The following SOX30 variants were observed in gnomAD, a reference collection of about 807,000 sequenced individuals.
The protein encoded by SOX30 is transcription factor SOX-30.
In SOX30, 17 loss-of-function variants were observed where a neutral mutation model predicts 58.6. The ratio of observed to expected loss-of-function variants is 0.29; its 90% CI spans 0.20 to 0.44. SOX30 has a LOEUF of 0.44. SOX30 is among the 20% of genes least tolerant of loss of function. The pLI is 1.00. For missense variants in SOX30, 951 were observed against 965.8 expected, an observed-to-expected ratio of 0.98 and a Z score of 0.20; for synonymous variants, 421 against 400.2, an observed-to-expected ratio of 1.05 and a Z score of -0.62.
At chr5:157,634,460 T>C (rs1458496199) in intron 4 of SOX30, among the ~76,000 whole-genome samples, 1 of 122,026 alleles carries the variant, frequency 8.2e-6, no homozygotes, top group Non-Finnish European at 1.6e-5. Flanking sequence ...CAACAGATTC[T>C]CTCTCCTTGG....
chr5:157,654,237 AC>A (rs1316641574), upstream of SOX30, among the ~76,000 whole-genome samples: 1 of 152,170 alleles, frequency 6.6e-6, no homozygotes, highest in African/African-American at 2.4e-5. Context: ...ATCAATATTT[AC>A]CATGTTGTAA....
At chr5:157,643,701 C>A (rs1392595300) in intron 3 of SOX30, among the ~76,000 whole-genome samples, 1 of 152,036 alleles carries the variant, frequency 6.6e-6, no homozygotes, top group African/African-American at 2.4e-5. Context: ...AAATCATATA[C>A]CTCACTATCT....
At chr5:157,653,431 G>A (rs968655031), upstream of SOX30, among the ~76,000 whole-genome samples, 1 of 152,088 alleles carries the variant, frequency 6.6e-6, no homozygotes, top group African/African-American at 2.4e-5. Flanking sequence ...ATTGAGCCTG[G>A]CATATAGTAC....
At chr5:157,647,932 T>C (rs977299593) in intron 2 of SOX30, among the ~76,000 whole-genome samples, 2 of 152,172 alleles carry the variant, frequency 1.3e-5, no homozygotes, top group Admixed American at 6.5e-5. Flanking sequence ...AGTCCACAAA[T>C]AACTTAATTT....
At chr5:157,637,522 C>A (rs1758959032) in intron 4 of SOX30, among the ~76,000 whole-genome samples, 1 of 152,082 alleles carries the variant, frequency 6.6e-6, no homozygotes, top group Non-Finnish European at 1.5e-5. Context: ...TACTACTAAA[C>A]CCCAGACCCA....
rs1759378345 is a variant in SOX30, at chr5:157,652,325, C to T, written c.-247G>A. 2 of 1,219,236 alleles carry T rather than the reference C, an allele frequency of 1.6e-6. No individual in the cohort carries two copies. The highest frequency in any genetic ancestry group is 1.0e-6 in the Non-Finnish European group (1 of 980,886). The allele number at this position is 1,219,236 out of a possible 1,614,324, so 75.5% of individuals were successfully genotyped here. On this transcript the variant is annotated 5_prime_UTR_variant, in exon 1 of 5. Coordinates refer to ENST00000265007, the MANE Select transcript of SOX30 (RefSeq NM_178424.2). ...GCCTCGTGCTGAGTCCTCGAATCAC[C>T]TGCCATGGTAGGAGCCGCCGCACTT...
intron 4 of SOX30, among the ~76,000 whole-genome samples, chr5:157,633,306 T>C (rs1488117668): frequency 6.6e-6 from 1 of 152,158 alleles, no homozygotes; most frequent in Non-Finnish European, 1.5e-5. Flanking sequence ...CCCAAGTAGC[T>C]GGGACTACAG....
intron 3 of SOX30, among the ~76,000 whole-genome samples, chr5:157,643,832 T>A (rs894542878): frequency 6.6e-6 from 1 of 152,176 alleles, no homozygotes; most frequent in African/African-American, 2.4e-5. Context: ...AACAACTGTA[T>A]ATGACAAGAT....
chr5:157,638,883 T>C (rs576401612), intron 3 of SOX30, among the ~76,000 whole-genome samples, 161 bp from the exon 4 acceptor site: 1 of 152,332 alleles, frequency 6.6e-6, no homozygotes, highest in Admixed American at 6.5e-5. Flanking sequence ...TGCAGCATTT[T>C]GAACAAACTG....
chr5:157,630,508 T>A (rs1758764113), intron 4 of SOX30, among the ~76,000 whole-genome samples: 1 of 152,210 alleles, frequency 6.6e-6, no homozygotes, highest in African/African-American at 2.4e-5. Flanking sequence ...AGTATTTTTG[T>A]AAAGACCGTA....
At chr5:157,664,553 A>G (rs138678239) in intron 2 of SOX30, among the ~76,000 whole-genome samples, 13,591 of 152,206 alleles carry the variant, frequency 0.089, 703 homozygotes, top group Middle Eastern at 0.15. Flanking sequence ...TCATGTCTAA[A>G]CACCAAAACA....
intron 4 of SOX30, among the ~76,000 whole-genome samples, chr5:157,636,994 G>C (rs1036039266): frequency 6.6e-6 from 1 of 152,030 alleles, no homozygotes; most frequent in Non-Finnish European, 1.5e-5. Context: ...TTAGCCAGGC[G>C]TGGTGACGCA....
At chr5:157,667,852 C>A (rs1175832120) in exon 2 of SOX30, 1 of 1,535,360 alleles carries the variant, frequency 6.5e-7, no homozygotes, top group African/African-American at 1.4e-5. Context: ...TTCTCCATGA[C>A]CTGGAACAAA....
In SOX30 at chr5:157,626,542, C is replaced by G; in HGVS notation, c.2060G>C (p.Ser687Thr). Residue 687 changes from serine to threonine, a missense_variant, in exon 5 of 5, where the codon AGT becomes ACT. Transcript: ENST00000265007. ...SECTHSENSRSCENMNGTSYY... is the reference protein window; with the variant it reads ...SECTHSENSRTCENMNGTSYY... ...AGAAGTTCCATTCATGTTCTCACAA[C>G]TCCGAGAATTTTCACTGTGTGTGCA... The G allele has an allele frequency of 6.2e-7, 1 of 1,614,174 alleles. No homozygotes were observed. Among genetic ancestry groups the G allele is most frequent in the Non-Finnish European group, 8.5e-7 (1 of 1,180,024 alleles).
intron 2 of SOX30, among the ~76,000 whole-genome samples, chr5:157,657,711 C>A (rs1355576324): frequency 1.3e-5 from 2 of 152,174 alleles, no homozygotes; most frequent in Non-Finnish European, 2.9e-5. Flanking sequence ...AAGTATATTG[C>A]TGTGAATAAC....
Position 157,651,906 on chromosome 5 carries a change from G to T in SOX30, c.173C>A (p.Ala58Glu). ...SATLASSCGEAVASGLQPAVR... is the reference protein window; with the variant it reads ...SATLASSCGEEVASGLQPAVR... ...CGCGGGCTGTAAGCCGGACGCCACT[G>T]CCTCCCCGCACGACGAGGCCAAGGT... is the stretch of plus-strand genomic sequence containing the variant. Residue 58 changes from alanine to glutamate, a missense_variant, in exon 1 of 5, where the codon GCA becomes GAA. Transcript: ENST00000265007. The T allele has an allele frequency of 2.0e-6, 3 of 1,524,342 alleles. No homozygotes were observed. The highest frequency in any genetic ancestry group is 8.8e-7 in the Non-Finnish European group (1 of 1,140,602). The allele number at this position is 1,524,342 out of a possible 1,614,324, so 94.4% of individuals were successfully genotyped here. A position where few individuals can be genotyped will look rare whatever the true frequency, so the allele number is the denominator to read the frequency against.
chr5:157,660,105 G>T (rs144832093), intron 2 of SOX30, among the ~76,000 whole-genome samples: 265 of 152,336 alleles, frequency 1.7e-3, no homozygotes, highest in African/African-American at 6.2e-3. Context: ...ATTGTAGCCT[G>T]AGCTAGTGTT....
chr5:157,631,764 C>CAA (rs70984477), intron 4 of SOX30, among the ~76,000 whole-genome samples: 5 of 84,652 alleles, frequency 5.9e-5, no homozygotes, highest in East Asian at 3.5e-4. Context: ...GAACTCGTCT[C>CAA]AAAAAAAAAA....
Position 157,651,220 on chromosome 5 carries a change from T to C in SOX30, c.859A>G (p.Thr287Ala). The C allele has an allele frequency of 6.2e-7, 1 of 1,613,838 alleles. No homozygotes were observed. The highest frequency in any genetic ancestry group is 8.5e-7 in the Non-Finnish European group (1 of 1,179,830). Residue 287 changes from threonine (T) to alanine (A), a missense_variant, in exon 1 of 5, where the codon ACC becomes GCC. Thr to Ala is a moderately conservative substitution (Grantham distance 58, BLOSUM62 0). Transcript: ENST00000265007. ...GGCACTGGTGTCAGGGGGACCTTGG[T>C]CAATCTTATCAGCTCTGAAGGCGGA... ...GAPPSELIRL[T>A]KVPLTPVPTK... is the part of the protein sequence containing the mutation.
Sources: allele counts gnomAD v4.1 joint callset (sites outside exome capture counted in the v4.1 genomes callset), GRCh38; gene constraint gnomAD v4.1.1; transcripts MANE v1.5; gene names NCBI Gene and HGNC (gene_info 2026-07-23, HGNC 2026-07-21).